Variants in LPAR3 observed in about 807,000 individuals in gnomAD.
LPAR3 encodes LPA receptor 3.
A neutral mutation model predicts 17.8 loss-of-function variants in LPAR3; 7 were observed. The ratio of observed to expected loss-of-function variants is 0.39; its 90% CI spans 0.22 to 0.74. LPAR3 has a LOEUF of 0.74. Ranked by LOEUF, LPAR3 falls within the 30% of genes least tolerant of loss-of-function variation. LPAR3 has a pLI of 0.40. For missense variants in LPAR3, 391 were observed against 453.4 expected (o/e 0.86, Z 1.25); for synonymous variants, 179 against 179.9 (o/e 0.99, Z 0.04).
At chr1:84,841,284 C>T (rs2102754636) in intron 2 of LPAR3, among the ~76,000 whole-genome samples, 1 of 152,286 alleles carries the variant, frequency 6.6e-6, no homozygotes, top group South Asian at 2.1e-4. Flanking sequence ...AAGAGGTTTA[C>T]AAGGACAACC....
At chr1:84,822,100 C>A (rs1374125677) in intron 2 of LPAR3, among the ~76,000 whole-genome samples, 3 of 152,128 alleles carry the variant, frequency 2.0e-5, no homozygotes, top group Admixed American at 6.6e-5. Context: ...CAATTACCTA[C>A]CATGTGCTAG....
chr1:84,820,943 T>C (rs748767009), intron 2 of LPAR3, among the ~76,000 whole-genome samples: 2 of 152,028 alleles, frequency 1.3e-5, no homozygotes, highest in Non-Finnish European at 2.9e-5. Flanking sequence ...TTAAAAAAAA[T>C]GAAATAGAAA....
rs146530685 is a variant in LPAR3, at chr1:84,812,637, T to G, written c.*1209A>C. On this transcript the variant is annotated 3_prime_UTR_variant, in exon 3 of 3. Coordinates refer to ENST00000370611, the MANE Select transcript of LPAR3 (RefSeq NM_012152.3). ...TAGTAAAGATGCAATTTCACCACAT[T>G]GCCCAGGCTGGTCTCATACTCCTGG... 22 of 152,196 alleles carry G rather than the reference T, an allele frequency of 1.4e-4. No individual in the cohort carries two copies. Among genetic ancestry groups the G allele is most frequent in the Middle Eastern group, 3.4e-3 (1 of 294 alleles). 9.4% of individuals were successfully genotyped at this position (152,196 alleles called of 1,614,324 possible).
intron 2 of LPAR3, among the ~76,000 whole-genome samples, chr1:84,856,278 C>T (rs1659822074): frequency 6.6e-6 from 1 of 152,206 alleles, no homozygotes; most frequent in South Asian, 2.1e-4. Flanking sequence ...GATGGCTTGA[C>T]TCTGAAAAGA....
intron 1 of LPAR3, among the ~76,000 whole-genome samples, chr1:84,891,158 G>C (rs1196908747): frequency 1.0e-5 from 1 of 98,480 alleles, no homozygotes; most frequent in African/African-American, 4.0e-5. Context: ...GGTCTGATCT[G>C]ATAAAAAAAA....
intron 2 of LPAR3, among the ~76,000 whole-genome samples, chr1:84,836,899 A>G (rs1002814873): frequency 6.6e-6 from 1 of 152,176 alleles, no homozygotes; most frequent in Admixed American, 6.5e-5. Flanking sequence ...ACTATTTACA[A>G]TTGGATGTTT....
rs563000237 is a variant in LPAR3 at position 84,886,703 on chromosome 1, T to C, written c.-19+6313A>G. Among the ~76,000 whole-genome samples the C allele has an allele frequency of 1.8e-3, 281 of 152,290 alleles. 4 individuals carry two copies. The highest frequency in any genetic ancestry group is 6.8e-3 in the Middle Eastern group (2 of 294). On this transcript the variant is annotated intron_variant, in intron 1 of 2. Transcript: ENST00000370611. ...AAGATAAATACATGAAAATATCATG[T>C]TGTATGCCTTAAATATATAAAATAT...
At chr1:84,818,494 C>CT (rs1160024236) in intron 2 of LPAR3, among the ~76,000 whole-genome samples, 4 of 152,092 alleles carry the variant, frequency 2.6e-5, no homozygotes, top group Admixed American at 6.5e-5. Context: ...TATTTTTATC[C>CT]TTTTTTGAGT....
chr1:84,865,370 G>T lies in LPAR3; in HGVS notation c.736+15C>A, dbSNP rs1660020023. ...ATGAATGGGAATGATGGCTTGCTTGGGTCCTCTTACCTACCTAAGACAGTC... is the reference window on the plus strand; with the variant it reads ...ATGAATGGGAATGATGGCTTGCTTGTGTCCTCTTACCTACCTAAGACAGTC... On this transcript the variant is annotated intron_variant, in intron 2 of 2. Transcript: ENST00000370611. 1 of 1,593,014 alleles carries T rather than the reference G, an allele frequency of 6.3e-7. No individual in the cohort carries two copies. The highest frequency in any genetic ancestry group is 1.3e-5 in the African/African-American group (1 of 74,558).
At chr1:84,878,926 T>C (rs185461518) in intron 1 of LPAR3, among the ~76,000 whole-genome samples, 29 of 152,318 alleles carry the variant, frequency 1.9e-4, no homozygotes. Flanking sequence ...ACTATAGTGT[T>C]CCCTGCCTTT....
chr1:84,867,980 T>A (rs561102000), intron 1 of LPAR3, among the ~76,000 whole-genome samples: 1 of 152,336 alleles, frequency 6.6e-6, no homozygotes, highest in African/African-American at 2.4e-5. Context: ...GCTGCATTCT[T>A]GTTCATTAAT....
intron 2 of LPAR3, among the ~76,000 whole-genome samples, chr1:84,839,226 AACTCCCAGTG>A (rs1659461676): frequency 6.6e-6 from 1 of 152,216 alleles, no homozygotes; most frequent in African/African-American, 2.4e-5. Context: ...GTGCTCCCAG[AACTCCCAGTG>A]TTTATTATAA....
At chr1:84,887,271 G>A (rs768836687) in intron 1 of LPAR3, among the ~76,000 whole-genome samples, 1 of 152,036 alleles carries the variant, frequency 6.6e-6, no homozygotes, top group African/African-American at 2.4e-5. Flanking sequence ...CAGCAACTTG[G>A]GGGGCTGAGG....
intron 2 of LPAR3, among the ~76,000 whole-genome samples, chr1:84,828,023 A>T (rs543677238): frequency 7.2e-4 from 110 of 152,288 alleles, no homozygotes; most frequent in Middle Eastern, 6.8e-3. Context: ...GGAGGGGAGG[A>T]GGGAGAAATA....
intron 1 of LPAR3, among the ~76,000 whole-genome samples, chr1:84,871,537 A>G (rs938086759): frequency 6.6e-6 from 1 of 152,154 alleles, no homozygotes; most frequent in Non-Finnish European, 1.5e-5. Context: ...AATACTGAGC[A>G]TATCTTCTTT....
intron 2 of LPAR3, among the ~76,000 whole-genome samples, chr1:84,842,841 T>G (rs9728153): frequency 0.13 from 20,398 of 152,148 alleles, 1,753 homozygotes; most frequent in African/African-American, 0.24. Flanking sequence ...AGGTTTTTCT[T>G]GTTTGAGCTC....
At chr1:84,868,629 A>T (rs1171166634) in intron 1 of LPAR3, among the ~76,000 whole-genome samples, 1 of 152,156 alleles carries the variant, frequency 6.6e-6, no homozygotes, top group Non-Finnish European at 1.5e-5. Flanking sequence ...AACTGCAGTG[A>T]TATTAATAGG....
chr1:84,821,640 CT>C (rs2102745530), intron 2 of LPAR3, among the ~76,000 whole-genome samples: 2 of 152,226 alleles, frequency 1.3e-5, no homozygotes, highest in South Asian at 4.1e-4. Flanking sequence ...CTAGGGAATG[CT>C]TTTGCGTGGT....
intron 1 of LPAR3, among the ~76,000 whole-genome samples, chr1:84,875,715 A>G (rs1660243512): frequency 6.6e-6 from 1 of 152,218 alleles, no homozygotes. Flanking sequence ...AGGAAATTCT[A>G]TTTCTTTACA....
Sources: allele counts gnomAD v4.1 joint callset (sites outside exome capture counted in the v4.1 genomes callset), GRCh38; gene constraint gnomAD v4.1.1; transcripts MANE v1.5; gene names NCBI Gene and HGNC (gene_info 2026-07-23, HGNC 2026-07-21).